RAB21: variants seen among roughly 807,000 people sequenced by gnomAD.
RAB21 encodes ras-related protein Rab-21.
Under a neutral mutation model 33.1 loss-of-function variants are expected in RAB21, and 13 were observed. The observed-to-expected ratio is 0.39, with a 90% CI of 0.26 to 0.62. RAB21 has a LOEUF of 0.62. Among genes scored for constraint, RAB21 ranks in the 20% least tolerant of loss-of-function variants. RAB21 has a pLI of 0.48. For missense variants in RAB21, 234 were observed against 279.1 expected, an observed-to-expected ratio of 0.84 and a Z score of 1.15; for synonymous variants, 91 against 103.7, an observed-to-expected ratio of 0.88 and a Z score of 0.74.
At chr12:71,757,937 C>T (rs1245592373) in intron 1 of RAB21, among the ~76,000 whole-genome samples, 1 of 151,964 alleles carries the variant, frequency 6.6e-6, no homozygotes, top group African/African-American at 2.4e-5. Context: ...TGATTGTCCC[C>T]CTTTTTTTTT....
At chr12:71,763,146 C>T (rs1882904368) in intron 1 of RAB21, among the ~76,000 whole-genome samples, 1 of 150,652 alleles carries the variant, frequency 6.6e-6, no homozygotes, top group Non-Finnish European at 1.5e-5. Context: ...CTATCTTACT[C>T]ATACACTCCC....
chr12:71,757,096 A>G lies in RAB21; in HGVS notation c.159+1808A>G, dbSNP rs368770519. Among the ~76,000 whole-genome samples the G allele has an allele frequency of 3.9e-5, 6 of 152,266 alleles. No homozygotes were observed. The South Asian group carries it at 1.2e-3, about 32-fold the overall frequency. ...CAAAGATCTAAGATAAAAGAAAACTATTGTAATTGAGGTCTCCACGTTTTT... is the reference window on the plus strand; with the variant it reads ...CAAAGATCTAAGATAAAAGAAAACTGTTGTAATTGAGGTCTCCACGTTTTT... On this transcript the variant is annotated intron_variant, in intron 1 of 6. Transcript: ENST00000261263.
At position 71,795,578 on chromosome 12, in the gene RAB21, A is replaced by G. The variant is rs1883457069; in HGVS notation, c.*9905A>G. 1.4e-5 allele frequency: 2 copies of G among 138,066 alleles called. 1 individual carries two copies. Among genetic ancestry groups the G allele is most frequent in the South Asian group, 5.1e-4 (2 of 3,884 alleles). The allele number at this position is 138,066 out of a possible 1,614,324, so 8.6% of individuals were successfully genotyped here. A position where few individuals can be genotyped will look rare whatever the true frequency, so the allele number is the denominator to read the frequency against. ...TTTATTTGTGATCAGTAAATTATAA[A>G]TTACACAGAAGCTTCCAGCTACCTG... is the stretch of plus-strand genomic sequence containing the variant. On this transcript the variant is annotated 3_prime_UTR_variant, in exon 7 of 7. Coordinates refer to ENST00000261263, the MANE Select transcript of RAB21 (RefSeq NM_014999.4).
At chr12:71,778,076 T>G (rs192572031) in intron 4 of RAB21, among the ~76,000 whole-genome samples, 6 of 152,332 alleles carry the variant, frequency 3.9e-5, no homozygotes, top group Non-Finnish European at 5.9e-5. Flanking sequence ...GTTTGTCATG[T>G]TTTTGAATCT....
chr12:71,799,904 C>G lies in RAB21; in HGVS notation c.*14231C>G, dbSNP rs1883515754. ...CCTGGCAAATACGGTGAAATCCCAT[C>G]TCTACTAAAAATACAAAAATTAGCC... is the stretch of plus-strand genomic sequence containing the variant. On this transcript the variant is annotated 3_prime_UTR_variant, in exon 7 of 7. Transcript: ENST00000261263. The G allele has an allele frequency of 6.6e-6, 1 of 152,116 alleles. No individual in the cohort carries two copies. The highest frequency in any genetic ancestry group is 1.5e-5 in the Non-Finnish European group (1 of 68,048). 9.4% of individuals were successfully genotyped at this position (152,116 alleles called of 1,614,324 possible).
At position 71,791,753 on chromosome 12, in the gene RAB21, A is replaced by G. The variant is rs1485562525; in HGVS notation, c.*6080A>G. On this transcript the variant is annotated 3_prime_UTR_variant, in exon 7 of 7. Coordinates refer to ENST00000261263, the MANE Select transcript of RAB21 (RefSeq NM_014999.4). Reference sequence around the variant, plus strand: ...TTGTGTCTTTATTATGCAGTTTTATATTTATATTTGGCCTTTGTAAATTTT... The same window carrying G: ...TTGTGTCTTTATTATGCAGTTTTATGTTTATATTTGGCCTTTGTAAATTTT... 5 of 152,158 alleles carry G rather than the reference A, an allele frequency of 3.3e-5. No homozygotes were observed. Among genetic ancestry groups the G allele is most frequent in the African/African-American group, 9.7e-5 (4 of 41,438 alleles). The allele number at this position is 152,158 out of a possible 1,614,324, so 9.4% of individuals were successfully genotyped here.
chr12:71,788,117 C>T lies in RAB21; in HGVS notation c.*2444C>T, dbSNP rs571459908. 11 of 151,862 alleles carry T rather than the reference C, an allele frequency of 7.2e-5. No individual in the cohort carries two copies. The highest frequency in any genetic ancestry group is 3.9e-4 in the Admixed American group (6 of 15,252). 9.4% of individuals were successfully genotyped at this position (151,862 alleles called of 1,614,324 possible). On this transcript the variant is annotated 3_prime_UTR_variant, in exon 7 of 7. Transcript: ENST00000261263. ...CTAGGTAACACTGAGACCTCCATCT[C>T]GTAAAAGGCACAAAAACTAGTTAGA... is the stretch of plus-strand genomic sequence containing the variant.
At chr12:71,773,633 T>C (rs1325755488) in intron 3 of RAB21, among the ~76,000 whole-genome samples, 2 of 152,228 alleles carry the variant, frequency 1.3e-5, no homozygotes, top group Non-Finnish European at 2.9e-5. Flanking sequence ...GACACTGTTA[T>C]CTATATTGTT....
chr12:71,770,219 C>T (rs755719855), intron 2 of RAB21, among the ~76,000 whole-genome samples: 31 of 152,082 alleles, frequency 2.0e-4, no homozygotes, highest in Admixed American at 1.8e-3. Context: ...GATGCACGTG[C>T]CATTTCCCTG....
Position 71,787,283 on chromosome 12 carries a change from A to C in RAB21, c.*1610A>C, listed in dbSNP as rs1336283439. ...TTTTTTTTCTTAAGCATAAGACTGA[A>C]CTTAAATGTGTTAATTTTAGTAGAA... is the stretch of plus-strand genomic sequence containing the variant. On this transcript the variant is annotated 3_prime_UTR_variant, in exon 7 of 7. Coordinates refer to ENST00000261263, the MANE Select transcript of RAB21 (RefSeq NM_014999.4). 8 of 152,182 alleles carry C rather than the reference A, an allele frequency of 5.3e-5. No individual in the cohort carries two copies. Among genetic ancestry groups the C allele is most frequent in the Non-Finnish European group, 1.2e-4 (8 of 68,022 alleles). 9.4% of individuals were successfully genotyped at this position (152,182 alleles called of 1,614,324 possible).
At chr12:71,771,975 CA>C (rs1387002732) in intron 3 of RAB21, among the ~76,000 whole-genome samples, 6,937 of 129,760 alleles carry the variant, frequency 0.053, 515 homozygotes, top group African/African-American at 0.18. Flanking sequence ...GACTCCATCT[CA>C]AAAAAAAAAA....
chr12:71,785,741 C>A lies in RAB21; in HGVS notation c.*68C>A. 6.5e-7 allele frequency: 1 copy of A among 1,532,612 alleles called. No individual in the cohort carries two copies. Among genetic ancestry groups the A allele is most frequent in the Non-Finnish European group, 9.0e-7 (1 of 1,112,848 alleles). 94.9% of individuals were successfully genotyped at this position (1,532,612 alleles called of 1,614,324 possible). ...ATCATTGCCCTCAACATGAAGACTG[C>A]CATATTCCAAGTCACATTATTTTAC... On this transcript the variant is annotated 3_prime_UTR_variant, in exon 7 of 7. Coordinates refer to ENST00000261263, the MANE Select transcript of RAB21 (RefSeq NM_014999.4).
chr12:71,755,817 T>TA (rs887135681), intron 1 of RAB21, among the ~76,000 whole-genome samples: 1 of 152,230 alleles, frequency 6.6e-6, no homozygotes, highest in Non-Finnish European at 1.5e-5. Context: ...CTAGGCGTGT[T>TA]ACGCAGTTTC....
At chr12:71,774,099 TTTAAAG>T (rs1883082603) in intron 4 of RAB21, 77 bp downstream of exon 4, 2 of 994,212 alleles carry the variant, frequency 2.0e-6, no homozygotes, top group South Asian at 3.3e-5. Context: ...TAATTTTTGT[TTTAAAG>T]TTATATGAGA....
At chr12:71,777,134 T>G (rs1883132435) in intron 4 of RAB21, among the ~76,000 whole-genome samples, 1 of 152,228 alleles carries the variant, frequency 6.6e-6, no homozygotes, top group South Asian at 2.1e-4. Flanking sequence ...TTTCACAAAA[T>G]GAAAATTGCA....
intron 1 of RAB21, among the ~76,000 whole-genome samples, chr12:71,766,766 G>C (rs1882967205): frequency 6.6e-6 from 1 of 152,196 alleles, no homozygotes; most frequent in African/African-American, 2.4e-5. Context: ...AATTCAGATA[G>C]AGAACAGAGA....
chr12:71,782,897 A>G lies in RAB21; in HGVS notation c.535+239A>G, dbSNP rs187106084. On this transcript the variant is annotated intron_variant, in intron 6 of 6. Transcript: ENST00000261263. ...ATCATAAGTATGGTGTGGGCTAAAT[A>G]TATATTATAATATATGCATAAGTAT... Among the ~76,000 whole-genome samples the G allele has an allele frequency of 5.4e-3, 822 of 152,156 alleles. 9 individuals carry two copies. Among genetic ancestry groups the G allele is most frequent in the African/African-American group, 0.019 (782 of 41,520 alleles).
chr12:71,770,398 A>G (rs1883025176), intron 2 of RAB21, 194 bp from the exon 3 acceptor site: 2 of 564,518 alleles, frequency 3.5e-6, no homozygotes, highest in South Asian at 2.0e-5. Flanking sequence ...GTATATCACT[A>G]AAACATTACA....
chr12:71,784,080 AT>A (rs1354300582), intron 6 of RAB21, among the ~76,000 whole-genome samples: 1 of 152,200 alleles, frequency 6.6e-6, no homozygotes, highest in Non-Finnish European at 1.5e-5. Context: ...AGAATTTATA[AT>A]GTTTTCTTAT....
Sources: gnomAD v4.1 joint callset for allele counts (sites outside exome capture counted in the v4.1 genomes callset) on GRCh38, gnomAD v4.1.1 for gene constraint, MANE v1.5 for transcripts, NCBI Gene and HGNC (gene_info 2026-07-23, HGNC 2026-07-21) for gene names.